Variants in POC1A observed in about 807,000 individuals in gnomAD.
POC1A encodes the protein POC1 centriolar protein homolog A.
A neutral mutation model predicts 47.8 loss-of-function variants in POC1A; 34 were observed. The observed-to-expected ratio is 0.71, with a 90% CI of 0.54 to 0.95. The LOEUF (loss-of-function observed/expected upper bound fraction) is 0.95. Among genes scored for constraint, POC1A ranks in the 40% least tolerant of loss-of-function variants. The pLI is 0.00. For missense variants in POC1A, 466 were observed against 528.3 expected (o/e 0.88, Z 1.16); for synonymous variants, 177 against 207.6 (o/e 0.85, Z 1.27).
chr3:52,116,512 T>A (rs1462330410), intron 9 of POC1A, among the ~76,000 whole-genome samples: 1 of 152,152 alleles, frequency 6.6e-6, no homozygotes, highest in East Asian at 1.9e-4. Flanking sequence ...CACTCACAGA[T>A]CTGCTCTCTC....
At chr3:52,125,090 C>G in intron 8 of POC1A, 23 bp downstream of exon 8, 1 of 1,555,996 alleles carries the variant, frequency 6.4e-7, no homozygotes, top group South Asian at 1.1e-5. Context: ...CTTCACCATT[C>G]CATTCGACTA....
At position 52,120,872 on chromosome 3, in the gene POC1A, T is replaced by C. The variant is rs73835707; in HGVS notation, c.981+1507A>G. On this transcript the variant is annotated intron_variant, in intron 9 of 10. Transcript: ENST00000296484. ...CCAGGACCAAAGGAACAAGAAGCAA[T>C]TCATCCAAGTTATTTTCCTAATAGC... 4.7e-3 allele frequency among the ~76,000 whole-genome samples: 710 copies of C among 152,308 alleles called. 6 individuals carry two copies. The highest frequency in any genetic ancestry group is 0.016 in the African/African-American group (675 of 41,574).
chr3:52,086,672 C>A (rs1702465429), intron 10 of POC1A, among the ~76,000 whole-genome samples: 1 of 152,222 alleles, frequency 6.6e-6, no homozygotes, highest in African/African-American at 2.4e-5. Context: ...GCAGACAGGG[C>A]CTGCAGCACC....
chr3:52,117,268 G>A (rs540866143), intron 9 of POC1A, among the ~76,000 whole-genome samples: 109 of 152,092 alleles, frequency 7.2e-4, no homozygotes, highest in African/African-American at 2.4e-3. Flanking sequence ...CAGGAGGATC[G>A]CTTCAGCCTG....
At chr3:52,113,529 A>G (rs779510868) in intron 9 of POC1A, among the ~76,000 whole-genome samples, 2 of 152,162 alleles carry the variant, frequency 1.3e-5, no homozygotes, top group Non-Finnish European at 2.9e-5. Flanking sequence ...ATGGTGAAAC[A>G]CTGTCTCTAC....
intron 9 of POC1A, among the ~76,000 whole-genome samples, chr3:52,115,584 T>C (rs1419977096): frequency 6.6e-6 from 1 of 152,020 alleles, no homozygotes; most frequent in Non-Finnish European, 1.5e-5. Flanking sequence ...AAAGTAATAG[T>C]ATTAGGAGGT....
chr3:52,085,952 G>A (rs1702445263), intron 10 of POC1A, among the ~76,000 whole-genome samples: 1 of 152,228 alleles, frequency 6.6e-6, no homozygotes, highest in Non-Finnish European at 1.5e-5. Context: ...GGCACAGATG[G>A]GGCTTGATGA....
chr3:52,081,483 A>G (rs1445649833), intron 10 of POC1A, among the ~76,000 whole-genome samples: 1 of 152,150 alleles, frequency 6.6e-6, no homozygotes, highest in Non-Finnish European at 1.5e-5. Context: ...GCGCATAGAC[A>G]GTGGGCTGCA....
At chr3:52,146,701 G>T (rs994595737) in intron 5 of POC1A, among the ~76,000 whole-genome samples, 6 of 152,236 alleles carry the variant, frequency 3.9e-5, no homozygotes, top group African/African-American at 1.4e-4. Flanking sequence ...ACCAGAAAGT[G>T]AAGGAGAAAA....
intron 8 of POC1A, among the ~76,000 whole-genome samples, chr3:52,124,864 T>A (rs1011599480): frequency 6.6e-6 from 1 of 152,120 alleles, no homozygotes; most frequent in African/African-American, 2.4e-5. Flanking sequence ...CACTAAGCGC[T>A]AGCCTGAGCA....
At position 52,151,082 on chromosome 3, in the gene POC1A, T is replaced by G; in HGVS notation, c.37A>C (p.Arg13=). ...APCAEDPSLE[R]HFKGHRDAVT... ...GCATCTCGGTGGCCCTTAAAATGCC[T>G]TTCCAGCGAGGGGTCCTCCTGAGAG... The change falls in exon 2 of 11, where the codon AGG becomes CGG. Residue 13 remains arginine, a synonymous_variant. Transcript: ENST00000296484. 6.2e-7 allele frequency: 1 copy of G among 1,608,158 alleles called. No individual in the cohort carries two copies. Among genetic ancestry groups the G allele is most frequent in the Non-Finnish European group, 8.5e-7 (1 of 1,177,450 alleles).
chr3:52,125,784 C>T (rs918222026), intron 7 of POC1A, among the ~76,000 whole-genome samples: 4 of 152,142 alleles, frequency 2.6e-5, no homozygotes, highest in African/African-American at 9.7e-5. Context: ...TATGTTCAGG[C>T]CATGGGTAGT....
At chr3:52,127,798 C>T (rs577124410) in intron 7 of POC1A, among the ~76,000 whole-genome samples, 4 of 151,772 alleles carry the variant, frequency 2.6e-5, no homozygotes, top group African/African-American at 7.3e-5. Context: ...TGGGTTCAAG[C>T]GATTCCTGTG....
rs1281427457 is a variant in POC1A, at chr3:52,147,090, G to A, written c.461C>T (p.Ser154Phe). 12 of 1,613,582 alleles carry A rather than the reference G, an allele frequency of 7.4e-6. No individual in the cohort carries two copies. Among genetic ancestry groups the A allele is most frequent in the Admixed American group, 5.0e-5 (3 of 60,008 alleles). Residue 154 changes from serine to phenylalanine, a missense_variant, in exon 5 of 11, where the codon TCC becomes TTC. By Grantham distance (155) the Ser-to-Phe change is radical (BLOSUM62 -2). Transcript: ENST00000296484. The part of the protein sequence containing the change: ...HINWVRCAKF[S>F]PDGRLIVSAS... ...AGACACGATGAGCCGCCCGTCGGGG[G>A]AGAACCTGAACCGGGTGGGGCACAA...
At chr3:52,092,098 G>C (rs1176887093) in intron 10 of POC1A, among the ~76,000 whole-genome samples, 1 of 152,216 alleles carries the variant, frequency 6.6e-6, no homozygotes, top group African/African-American at 2.4e-5. Context: ...CATCAGCTGG[G>C]ATCAGGGCCC....
At chr3:52,091,129 G>A (rs1702631102) in intron 10 of POC1A, among the ~76,000 whole-genome samples, 1 of 152,162 alleles carries the variant, frequency 6.6e-6, no homozygotes, top group African/African-American at 2.4e-5. Context: ...AGTGACCCCA[G>A]GGCAGCCACA....
chr3:52,151,255 A>C, intron 1 of POC1A, 155 bp from the exon 2 acceptor site: 1 of 1,053,560 alleles, frequency 9.5e-7, no homozygotes, highest in Non-Finnish European at 1.3e-6. Context: ...ACTTAGGATT[A>C]GTTTTTACTA....
In POC1A at chr3:52,079,675, C is replaced by T. The variant is rs1444131384; in HGVS notation, c.1126-3690G>A. Among the ~76,000 whole-genome samples, 3 of 152,200 alleles carry T rather than the reference C, an allele frequency of 2.0e-5. No individual in the cohort carries two copies. The East Asian group carries it at 5.8e-4, about 29-fold the overall frequency. On this transcript the variant is annotated intron_variant, in intron 10 of 10. Coordinates refer to ENST00000296484, the MANE Select transcript of POC1A (RefSeq NM_015426.5). This position sits in a 1 kb window ranked among gnomAD's most constrained non-coding sequence, Gnocchi z 4.6. ...ACAAGGGAAACTGCTTTGCCTGACA[C>T]AAGCGTCCATGGCTTCTGGCTTTGG...
At chr3:52,085,995 G>A (rs1702446893) in intron 10 of POC1A, among the ~76,000 whole-genome samples, 2 of 152,146 alleles carry the variant, frequency 1.3e-5, no homozygotes, top group Admixed American at 1.3e-4. Context: ...GGTCAGGTTT[G>A]GGAGGGTGTG....
Sources: gnomAD v4.1 joint callset for allele counts (sites outside exome capture counted in the v4.1 genomes callset) on GRCh38, gnomAD v4.1.1 for gene constraint, Gnocchi (gnomAD v3.1) non-coding constraint, MANE v1.5 for transcripts, NCBI Gene and HGNC (gene_info 2026-07-23, HGNC 2026-07-21) for gene names.